The following RNF152 variants were observed in gnomAD, a reference collection of about 807,000 sequenced individuals.
The protein encoded by RNF152 is E3 ubiquitin-protein ligase RNF152.
In RNF152, 11 loss-of-function variants were observed where a neutral mutation model predicts 12.7. The ratio of observed to expected loss-of-function variants is 0.86; its 90% CI spans 0.54 to 1.43. RNF152 has a LOEUF of 1.43. Among genes scored for constraint, RNF152 ranks in the 40% most tolerant of loss-of-function variants. The pLI is 0.00. For missense variants in RNF152, 255 were observed against 274.8 expected (o/e 0.93, Z 0.51); for synonymous variants, 113 against 120.3 (o/e 0.94, Z 0.40).
At chr18:61,820,154 C>G (rs1410778890) in intron 1 of RNF152, among the ~76,000 whole-genome samples, 1 of 150,670 alleles carries the variant, frequency 6.6e-6, no homozygotes, top group Non-Finnish European at 1.5e-5. Context: ...ATGGTGAAAC[C>G]CCGTCTCTAC....
At chr18:61,878,324 C>T (rs1035246788) in intron 1 of RNF152, among the ~76,000 whole-genome samples, 3 of 152,100 alleles carry the variant, frequency 2.0e-5, no homozygotes, top group African/African-American at 4.8e-5. Flanking sequence ...GACGGTCTTC[C>T]CACAATAAAG....
chr18:61,867,674 C>CA (rs1229959109), intron 1 of RNF152, among the ~76,000 whole-genome samples: 2 of 152,152 alleles, frequency 1.3e-5, no homozygotes, highest in Non-Finnish European at 2.9e-5. Flanking sequence ...GCTGAACTCT[C>CA]CACATCGCCG....
chr18:61,835,031 A>G (rs1225679019), intron 1 of RNF152, among the ~76,000 whole-genome samples: 2 of 152,218 alleles, frequency 1.3e-5, no homozygotes. Context: ...CCAACTAAAA[A>G]GGGCTCTAAC....
At chr18:61,842,419 T>C (rs1265700350) in intron 1 of RNF152, among the ~76,000 whole-genome samples, 1 of 152,346 alleles carries the variant, frequency 6.6e-6, no homozygotes, top group East Asian at 1.9e-4. Context: ...TGGAGGCTGC[T>C]GTCATTGCTG....
chr18:61,880,645 C>T (rs1393995481), intron 1 of RNF152, among the ~76,000 whole-genome samples: 2 of 152,226 alleles, frequency 1.3e-5, no homozygotes, highest in Non-Finnish European at 2.9e-5. Flanking sequence ...TCATGAAATA[C>T]ATTGCGGAAT....
chr18:61,880,917 T>C (rs1030557489), intron 1 of RNF152, among the ~76,000 whole-genome samples: 3 of 150,306 alleles, frequency 2.0e-5, no homozygotes, highest in Admixed American at 6.6e-5. Context: ...AGTTTTCTTT[T>C]TTTTTTTTTT....
At chr18:61,887,475 T>G (rs1912752233) in intron 1 of RNF152, among the ~76,000 whole-genome samples, 1 of 152,126 alleles carries the variant, frequency 6.6e-6, no homozygotes, top group Non-Finnish European at 1.5e-5. Flanking sequence ...TTCCAGCATT[T>G]TGGGAGCCCA....
chr18:61,853,890 C>A (rs1455454252), intron 1 of RNF152, among the ~76,000 whole-genome samples: 1 of 152,084 alleles, frequency 6.6e-6, no homozygotes, highest in Non-Finnish European at 1.5e-5. Context: ...CTCTGGGGTC[C>A]ATTATTCACC....
At chr18:61,824,861 T>C (rs1304246545) in intron 1 of RNF152, among the ~76,000 whole-genome samples, 1 of 152,196 alleles carries the variant, frequency 6.6e-6, no homozygotes, top group Non-Finnish European at 1.5e-5. Flanking sequence ...CTCATGGTCA[T>C]TAAAGCAGGA....
intron 1 of RNF152, among the ~76,000 whole-genome samples, chr18:61,840,889 A>G (rs1910422988): frequency 6.6e-6 from 1 of 152,084 alleles, no homozygotes. Flanking sequence ...CCCCTTCCCT[A>G]CCCATGAAAC....
rs1420689683 is a variant in RNF152 at position 61,809,538 on chromosome 18, G to A, written c.*6314C>T. 6.6e-6 allele frequency: 1 copy of A among 152,108 alleles called. No homozygotes were observed. Among genetic ancestry groups the A allele is most frequent in the Non-Finnish European group, 1.5e-5 (1 of 68,024 alleles). The allele number at this position is 152,108 out of a possible 1,614,324, so 9.4% of individuals were successfully genotyped here. On this transcript the variant is annotated 3_prime_UTR_variant, in exon 2 of 2. Transcript: ENST00000312828. ...ATAACCCAATAACTCACACCCCAAG[G>A]AGATTACAGAAGACTTTCACATGGG...
intron 1 of RNF152, among the ~76,000 whole-genome samples, chr18:61,823,927 G>A (rs539428194): frequency 1.3e-3 from 193 of 152,348 alleles, no homozygotes; most frequent in African/African-American, 4.3e-3. Flanking sequence ...GCTAGGGCAT[G>A]TGCCAATTCT....
intron 1 of RNF152, among the ~76,000 whole-genome samples, chr18:61,868,560 G>A (rs139671026): frequency 1.3e-3 from 199 of 152,122 alleles, no homozygotes; most frequent in African/African-American, 4.0e-3. Flanking sequence ...AAAATTAGCC[G>A]GGCGTCATGG....
At chr18:61,825,270 A>T (rs188943847) in intron 1 of RNF152, among the ~76,000 whole-genome samples, 3 of 152,204 alleles carry the variant, frequency 2.0e-5, no homozygotes, top group Non-Finnish European at 4.4e-5. Flanking sequence ...GAAAGAGAGA[A>T]GGGTAGACAG....
In RNF152 at chr18:61,809,337, C is replaced by T. The variant is rs1912844629; in HGVS notation, c.*6515G>A. On this transcript the variant is annotated 3_prime_UTR_variant, in exon 2 of 2. Coordinates refer to ENST00000312828, the MANE Select transcript of RNF152 (RefSeq NM_173557.3). ...AGGTACCAGCTACTGTGTTCTCCCA[C>T]TATTTAACAGAGGTATCAACTAGAT... 6.6e-6 allele frequency: 1 copy of T among 152,144 alleles called. No individual in the cohort carries two copies. The highest frequency in any genetic ancestry group is 6.5e-5 in the Admixed American group (1 of 15,288). The allele number at this position is 152,144 out of a possible 1,614,324, so 9.4% of individuals were successfully genotyped here. A position where few individuals can be genotyped will look rare whatever the true frequency, so the allele number is the denominator to read the frequency against.
intron 1 of RNF152, among the ~76,000 whole-genome samples, chr18:61,846,969 G>A (rs1024302283): frequency 3.9e-5 from 6 of 152,114 alleles, no homozygotes; most frequent in African/African-American, 1.4e-4. Context: ...GCTTCTTCAT[G>A]TGTAACTCAG....
At chr18:61,882,053 G>A (rs563436941) in intron 1 of RNF152, among the ~76,000 whole-genome samples, 68 of 152,252 alleles carry the variant, frequency 4.5e-4, no homozygotes, top group Admixed American at 7.8e-4. Context: ...TCCGAAATCC[G>A]AAATGCTCCA....
chr18:61,823,380 C>T (rs1277811521), intron 1 of RNF152, among the ~76,000 whole-genome samples: 2 of 152,254 alleles, frequency 1.3e-5, no homozygotes, highest in African/African-American at 4.8e-5. Flanking sequence ...ACCGCAACCT[C>T]CGCTTCTTGG....
chr18:61,856,832 C>T (rs1466631386), intron 1 of RNF152, among the ~76,000 whole-genome samples: 1 of 152,016 alleles, frequency 6.6e-6, no homozygotes, highest in Non-Finnish European at 1.5e-5. Flanking sequence ...TGGGAGAGCC[C>T]AGGAAAAAAG....
Sources: allele counts gnomAD v4.1 joint callset (sites outside exome capture counted in the v4.1 genomes callset), GRCh38; gene constraint gnomAD v4.1.1; transcripts MANE v1.5; gene names NCBI Gene and HGNC (gene_info 2026-07-23, HGNC 2026-07-21).